HOXB9: variants seen among roughly 807,000 people sequenced by gnomAD.
HOXB9 encodes homeobox protein Hox-B9.
A neutral mutation model predicts 21.5 loss-of-function variants in HOXB9; 10 were observed. The observed-to-expected ratio is 0.47, with a 90% CI of 0.29 to 0.79. The LOEUF is 0.79. HOXB9 is among the 30% of genes least tolerant of loss of function. HOXB9 has a pLI of 0.10. For synonymous variants in HOXB9, 156 were observed against 151.2 expected (o/e 1.03, Z -0.23); for missense variants, 375 against 338.7 (o/e 1.11, Z -0.84).
Position 48,626,187 on chromosome 17 carries a change from A to G in HOXB9, c.83T>C (p.Phe28Ser), listed in dbSNP as rs2070814863. 1.9e-6 allele frequency: 3 copies of G among 1,599,492 alleles called. No individual in the cohort carries two copies. In the African/African-American group the frequency reaches 4.0e-5, roughly 21 times the overall value. Residue 28 changes from phenylalanine (F) to serine (S), a missense_variant, in exon 1 of 2, where the codon TTT (phenylalanine) becomes TCT (serine). Coordinates refer to ENST00000311177, the MANE Select transcript of HOXB9 (RefSeq NM_024017.5). ...HESEDAPPAK[F>S]PSGQYASSRQ... ...CGAGCTCGCGTACTGGCCAGAAGGA[A>G]ACTTGGCTGGAGGCGCGTCCTCACT...
intron 1 of HOXB9, among the ~76,000 whole-genome samples, chr17:48,624,297 T>A (rs2145010258): frequency 6.6e-6 from 1 of 152,292 alleles, no homozygotes; most frequent in Non-Finnish European, 1.5e-5. Context: ...ATTTCCTTAA[T>A]GTGATTGCCT....
Position 48,622,917 on chromosome 17 carries a change from C to G in HOXB9, c.736G>C (p.Glu246Gln). ...RRMKMKKMNK[E>Q]QGKE ...TTTAATCTTTACTCTTTGCCCTGCT[C>G]CTTATTCATTTTCTTCATTTTCATC... Residue 246 changes from glutamate (E) to glutamine (Q), a missense_variant, in exon 2 of 2, where the codon GAG becomes CAG. Glu to Gln is a conservative substitution (Grantham distance 29, BLOSUM62 2). Coordinates refer to ENST00000311177, the MANE Select transcript of HOXB9 (RefSeq NM_024017.5). 1 of 1,613,682 alleles carries G rather than the reference C, an allele frequency of 6.2e-7. No homozygotes were observed. The highest frequency in any genetic ancestry group is 1.1e-5 in the South Asian group (1 of 91,056).
At chr17:48,625,203 T>A (rs761550001) in intron 1 of HOXB9, among the ~76,000 whole-genome samples, 16 of 152,264 alleles carry the variant, frequency 1.1e-4, no homozygotes, top group Non-Finnish European at 2.1e-4. Flanking sequence ...GCGCGAGATC[T>A]GCTAGGAACA....
chr17:48,623,272 G>A, intron 1 of HOXB9, 137 bp from the exon 2 acceptor site: 1 of 657,438 alleles, frequency 1.5e-6, no homozygotes, highest in South Asian at 1.9e-5. Context: ...CCCAGGAAGG[G>A]TGTCACAGAT....
rs763216626 is a variant in HOXB9, at chr17:48,626,272, TCA to T, written c.-5_-4del. On this transcript the variant is annotated 5_prime_UTR_variant, in exon 1 of 2. Coordinates refer to ENST00000311177, the MANE Select transcript of HOXB9 (RefSeq NM_024017.5). ...CTAAGCGTCCCAGAAATGGACATTC[TCA>T]GACATTATCCGGGCGCTTGCAGGGG... 1 of 1,579,292 alleles carries T rather than the reference TCA, an allele frequency of 6.3e-7. No individual in the cohort carries two copies.
chr17:48,624,216 A>C (rs888957239), intron 1 of HOXB9, among the ~76,000 whole-genome samples: 1 of 152,190 alleles, frequency 6.6e-6, no homozygotes, highest in Non-Finnish European at 1.5e-5. Context: ...AGTGAAAAAC[A>C]CTGGATTTTT....
In HOXB9 at chr17:48,626,073, A is replaced by G; in HGVS notation, c.197T>C (p.Leu66Pro). The change falls in exon 1 of 2, where the codon CTG becomes CCG. Residue 66 changes from leucine to proline, a missense_variant. By Grantham distance (98) the Leu-to-Pro change is moderately conservative. Transcript: ENST00000311177. ...CAGGCTCCCGGACGCGTGCGGGCTC[A>G]GCGGCGCCCAGGAGGCGCCGAACAC... The part of the protein sequence containing the change: ...APVFGASWAP[L>P]SPHASGSLPS... The G allele has an allele frequency of 6.3e-7, 1 of 1,577,080 alleles. No homozygotes were observed. The highest frequency in any genetic ancestry group is 2.3e-5 in the East Asian group (1 of 43,998).
chr17:48,623,744 T>A (rs895606275), intron 1 of HOXB9, among the ~76,000 whole-genome samples: 6 of 152,038 alleles, frequency 3.9e-5, no homozygotes, highest in Non-Finnish European at 7.4e-5. Context: ...ACCACGAATA[T>A]GGGTCTGCAC....
At position 48,625,831 on chromosome 17, in the gene HOXB9, C is replaced by T. The variant is rs2070808607; in HGVS notation, c.439G>A (p.Val147Met). 1 of 1,611,214 alleles carries T rather than the reference C, an allele frequency of 6.2e-7. No individual in the cohort carries two copies. The highest frequency in any genetic ancestry group is 2.2e-5 in the East Asian group (1 of 44,472). The change falls in exon 1 of 2, where the codon GTG becomes ATG. Residue 147 changes from valine to methionine, a missense_variant. Val to Met is a conservative substitution (Grantham distance 21). Transcript: ENST00000311177. Reference sequence around the variant, plus strand: ...TAGCCGGGTCTTTGATTAGACAGCACGGCCTCCCTGCCCGCCGAAGTTTCC... The same window carrying T: ...TAGCCGGGTCTTTGATTAGACAGCATGGCCTCCCTGCCCGCCGAAGTTTCC... ...SLETSAGREA[V>M]LSNQRPGYGD...
Position 48,626,046 on chromosome 17 carries a change from G to A in HOXB9, c.224C>T (p.Pro75Leu), listed in dbSNP as rs1387521986. 1.3e-6 allele frequency: 2 copies of A among 1,578,826 alleles called. No homozygotes were observed. The highest frequency in any genetic ancestry group is 1.7e-6 in the Non-Finnish European group (2 of 1,169,634). Residue 75 changes from proline (P) to leucine (L), a missense_variant, in exon 1 of 2, where the codon CCG becomes CTG. Pro to Leu is a moderately conservative substitution (Grantham distance 98). Coordinates refer to ENST00000311177, the MANE Select transcript of HOXB9 (RefSeq NM_024017.5). ...PLSPHASGSL[P>L]SVYHPYIQPQ... ...CTGGATGTAAGGGTGGTAGACGGAC[G>A]GCAGGCTCCCGGACGCGTGCGGGCT... is the stretch of plus-strand genomic sequence containing the variant.
chr17:48,622,574 G>A lies in HOXB9; in HGVS notation c.*326C>T. 7.6e-6 allele frequency: 2 copies of A among 263,794 alleles called. No homozygotes were observed. The highest frequency in any genetic ancestry group is 1.5e-5 in the Non-Finnish European group (2 of 137,634). The allele number at this position is 263,794 out of a possible 1,614,324, so 16.3% of individuals were successfully genotyped here. A position where few individuals can be genotyped will look rare whatever the true frequency, so the allele number is the denominator to read the frequency against. On this transcript the variant is annotated 3_prime_UTR_variant, in exon 2 of 2. Coordinates refer to ENST00000311177, the MANE Select transcript of HOXB9 (RefSeq NM_024017.5). The stretch of plus-strand genomic sequence containing the variant: ...GAAGAAACAGGCAAGCTGGAAGTGA[G>A]GGGCTAGGACTTCCCAGAAAAATTA...
Position 48,626,341 on chromosome 17 carries a change from T to C in HOXB9, c.-72A>G. ...GCGGCGGCGCCCAAGCAGGGAGAGG[T>C]GGCACCCGGACCGGTGTGAGGGCTT... is the stretch of plus-strand genomic sequence containing the variant. On this transcript the variant is annotated 5_prime_UTR_variant, in exon 1 of 2. Transcript: ENST00000311177. The C allele has an allele frequency of 6.7e-7, 1 of 1,488,940 alleles. No individual in the cohort carries two copies. Among genetic ancestry groups the C allele is most frequent in the Non-Finnish European group, 9.0e-7 (1 of 1,112,846 alleles). 92.2% of individuals were successfully genotyped at this position (1,488,940 alleles called of 1,614,324 possible). A position where few individuals can be genotyped will look rare whatever the true frequency, so the allele number is the denominator to read the frequency against.
At chr17:48,623,380 G>A (rs1165136097) in intron 1 of HOXB9, among the ~76,000 whole-genome samples, 1 of 152,204 alleles carries the variant, frequency 6.6e-6, no homozygotes, top group Non-Finnish European at 1.5e-5. Flanking sequence ...CCAAAGCTCT[G>A]CCTACATCAA....
At chr17:48,624,431 G>T (rs996421428) in intron 1 of HOXB9, among the ~76,000 whole-genome samples, 11 of 152,162 alleles carry the variant, frequency 7.2e-5, no homozygotes, top group Admixed American at 3.9e-4. Flanking sequence ...TTAGGGTGGG[G>T]GATCTGTTTG....
rs972684001 is a variant in HOXB9, at chr17:48,622,086, G to A, written c.*814C>T. 6.6e-6 allele frequency: 1 copy of A among 152,252 alleles called. No individual in the cohort carries two copies. The highest frequency in any genetic ancestry group is 1.5e-5 in the Non-Finnish European group (1 of 68,050). 9.4% of individuals were successfully genotyped at this position (152,252 alleles called of 1,614,324 possible). A position where few individuals can be genotyped will look rare whatever the true frequency, so the allele number is the denominator to read the frequency against. Reference sequence around the variant, plus strand: ...TGGAAGGAGAGGGAAACATCATGCGGAATTAAACATTTCCTGCAACAAAAT... The same window carrying A: ...TGGAAGGAGAGGGAAACATCATGCGAAATTAAACATTTCCTGCAACAAAAT... On this transcript the variant is annotated 3_prime_UTR_variant, in exon 2 of 2. Coordinates refer to ENST00000311177, the MANE Select transcript of HOXB9 (RefSeq NM_024017.5).
In HOXB9 at chr17:48,626,233, C is replaced by A. The variant is rs772439071; in HGVS notation, c.37G>T (p.Asp13Tyr). The A allele has an allele frequency of 1.1e-5, 17 of 1,597,978 alleles. No individual in the cohort carries two copies. Among genetic ancestry groups the A allele is most frequent in the Admixed American group, 3.3e-5 (2 of 59,960 alleles). Residue 13 changes from aspartate to tyrosine, a missense_variant, in exon 1 of 2, where the codon GAC becomes TAC. Coordinates refer to ENST00000311177, the MANE Select transcript of HOXB9 (RefSeq NM_024017.5). The stretch of plus-strand genomic sequence containing the variant: ...TCACTCTCGTGACTTATGATCGAGT[C>A]GACATAATAGCTGCTAAGCGTCCCA... ...ISGTLSSYYVDSIISHESEDA... is the reference protein window; with the variant it reads ...ISGTLSSYYVYSIISHESEDA...
rs1199512231 is a variant in HOXB9 at position 48,623,056 on chromosome 17, C to T, written c.597G>A (p.Glu199=). 1 of 1,614,254 alleles carries T rather than the reference C, an allele frequency of 6.2e-7. No individual in the cohort carries two copies. The highest frequency in any genetic ancestry group is 8.5e-7 in the Non-Finnish European group (1 of 1,180,040). ...TATTGAACAGAAACTCCTTCTCTAG[C>T]TCCAGCGTCTGGTATTTGGTGTAGG... The part of the protein sequence containing the change: ...RCPYTKYQTL[E]LEKEFLFNMY... The change falls in exon 2 of 2, where the codon GAG becomes GAA. Residue 199 remains glutamate (E), a synonymous_variant. Transcript: ENST00000311177.
In HOXB9 at chr17:48,622,866, A is replaced by G; in HGVS notation, c.*34T>C. ...CACATAACTAAGAGTGAGATGGGGA[A>G]GAGCTAGGGAGGACTGGGGGTAATC... On this transcript the variant is annotated 3_prime_UTR_variant, in exon 2 of 2. Transcript: ENST00000311177. 6.8e-7 allele frequency: 1 copy of G among 1,477,406 alleles called. No individual in the cohort carries two copies. The highest frequency in any genetic ancestry group is 9.4e-7 in the Non-Finnish European group (1 of 1,058,614). 91.5% of individuals were successfully genotyped at this position (1,477,406 alleles called of 1,614,324 possible).
chr17:48,625,504 C>T (rs2070804805), intron 1 of HOXB9, among the ~76,000 whole-genome samples: 1 of 152,212 alleles, frequency 6.6e-6, no homozygotes, highest in African/African-American at 2.4e-5. Context: ...AAGTCGATCC[C>T]CGAGCCCCTG....
Sources: allele counts gnomAD v4.1 joint callset (sites outside exome capture counted in the v4.1 genomes callset), GRCh38; gene constraint gnomAD v4.1.1; transcripts MANE v1.5; gene names NCBI Gene and HGNC (gene_info 2026-07-23, HGNC 2026-07-21).